Variants in XPO5 observed in about 807,000 individuals in gnomAD.
The protein encoded by XPO5 is exportin-5.
A neutral mutation model predicts 160.6 loss-of-function variants in XPO5; 46 were observed. That is an observed-to-expected ratio of 0.29 (90% CI 0.23 to 0.37). The LOEUF (loss-of-function observed/expected upper bound fraction) is 0.37. XPO5 is among the 10% of genes least tolerant of loss of function. The pLI is 1.00. For missense variants in XPO5, 1,090 were observed against 1,463.9 expected, an observed-to-expected ratio of 0.74 and a Z score of 4.17; for synonymous variants, 537 against 519.3, an observed-to-expected ratio of 1.03 and a Z score of -0.46.
At chr6:43,563,239 C>T (rs1762502478) in intron 8 of XPO5, among the ~76,000 whole-genome samples, 1 of 152,178 alleles carries the variant, frequency 6.6e-6, no homozygotes, top group Non-Finnish European at 1.5e-5. Context: ...GATCCTCTCA[C>T]TGCAGCCTCC....
At chr6:43,558,668 G>A (rs1185289507) in intron 11 of XPO5, 77 bp from the exon 12 acceptor site, 3 of 1,112,762 alleles carry the variant, frequency 2.7e-6, no homozygotes, top group Non-Finnish European at 3.8e-6. Context: ...AGGAGTTCAA[G>A]CACTTTTAAT....
intron 1 of XPO5, among the ~76,000 whole-genome samples, chr6:43,574,740 A>C (rs967677390): frequency 2.0e-5 from 3 of 152,158 alleles, no homozygotes; most frequent in Non-Finnish European, 4.4e-5. Context: ...AATGCGGTAA[A>C]ATCTTTGATT....
chr6:43,542,186 A>T (rs1360141733), intron 20 of XPO5, among the ~76,000 whole-genome samples: 1 of 151,982 alleles, frequency 6.6e-6, no homozygotes, highest in African/African-American at 2.4e-5. Flanking sequence ...GGAGCTTTCC[A>T]GAGAAAACTG....
Position 43,548,401 on chromosome 6 carries a change from C to T in XPO5, c.1920G>A (p.Leu640=). 3.1e-6 allele frequency: 5 copies of T among 1,611,284 alleles called. No homozygotes were observed. The highest frequency in any genetic ancestry group is 4.2e-6 in the Non-Finnish European group (5 of 1,178,096). Residue 640 remains leucine (L), a synonymous_variant, in exon 18 of 32, where the codon CTG becomes CTA. Coordinates refer to ENST00000265351, the MANE Select transcript of XPO5 (RefSeq NM_020750.3). Reference sequence around the variant, plus strand: ...TGAGGGCACACTTCTCCATTTGTGTCAGGAGTAGCTCATTGGAGAGGAGTT... The same window carrying T: ...TGAGGGCACACTTCTCCATTTGTGTTAGGAGTAGCTCATTGGAGAGGAGTT... ...VKQLLSNELL[L]TQMEKCALME...
In XPO5 at chr6:43,568,729, A is replaced by G; in HGVS notation, c.630T>C (p.Asp210=). The change falls in exon 6 of 32, where the codon GAT becomes GAC. Residue 210 remains aspartate (D), a synonymous_variant. Transcript: ENST00000265351. The part of the protein sequence containing the change: ...NVNKYQQVKT[D]TSQESKAQAN... ...CTCTTACCTTTGACTCCTGAGAAGT[A>G]TCTGTCTTCTGAAAGGAAGTATAAA... 1.3e-6 allele frequency: 2 copies of G among 1,577,736 alleles called. No individual in the cohort carries two copies. Among genetic ancestry groups the G allele is most frequent in the Non-Finnish European group, 8.6e-7 (1 of 1,159,652 alleles).
intron 5 of XPO5, 41 bp downstream of exon 5, chr6:43,570,459 CAT>C (rs1403151449): frequency 6.4e-7 from 1 of 1,561,356 alleles, no homozygotes; most frequent in Non-Finnish European, 8.7e-7. Context: ...CAAAAACACT[CAT>C]ATTGGAAAAT....
Position 43,530,571 on chromosome 6 carries a change from C to T in XPO5, c.2677+117G>A, listed in dbSNP as rs148084998. On this transcript the variant is annotated intron_variant, in intron 23 of 31. Transcript: ENST00000265351. ...TTTAATGACATGATACACTTAGATACATAATCTCATCTCTTCCTTCCAGTT... is the reference window on the plus strand; with the variant it reads ...TTTAATGACATGATACACTTAGATATATAATCTCATCTCTTCCTTCCAGTT... 5.1e-5 allele frequency: 64 copies of T among 1,246,220 alleles called. No homozygotes were observed. The African/African-American group carries it at 7.6e-4, about 15-fold the overall frequency. 77.2% of individuals were successfully genotyped at this position (1,246,220 alleles called of 1,614,324 possible).
intron 21 of XPO5, among the ~76,000 whole-genome samples, chr6:43,532,663 G>A (rs75829468): frequency 1.3e-5 from 2 of 152,054 alleles, no homozygotes; most frequent in African/African-American, 2.4e-5. Context: ...TAGCTAGTTC[G>A]TACTCATCCT....
At chr6:43,562,788 A>AAACGG (rs1327216974) in intron 8 of XPO5, among the ~76,000 whole-genome samples, 1 of 152,220 alleles carries the variant, frequency 6.6e-6, no homozygotes, top group Non-Finnish European at 1.5e-5. Context: ...GCACAAACAG[A>AAACGG]AACGGGACAC....
chr6:43,525,256 A>C, intron 28 of XPO5, 42 bp from the exon 29 acceptor site: 2 of 1,529,522 alleles, frequency 1.3e-6, no homozygotes, highest in Non-Finnish European at 1.8e-6. Flanking sequence ...AAAAAGAAGC[A>C]CAGTTTTCTC....
chr6:43,575,964 C>A lies in XPO5; in HGVS notation c.-100G>T, dbSNP rs1478735832. On this transcript the variant is annotated 5_prime_UTR_variant, in exon 1 of 32. Transcript: ENST00000265351. Reference sequence around the variant, plus strand: ...ACCACCCGTTGGTACCGGGCCGCGGCGGGCGGCGGGGGTGGGAAGCTGGAG... The same window carrying A: ...ACCACCCGTTGGTACCGGGCCGCGGAGGGCGGCGGGGGTGGGAAGCTGGAG... 1.6e-6 allele frequency: 2 copies of A among 1,213,134 alleles called. No homozygotes were observed. The highest frequency in any genetic ancestry group is 2.3e-6 in the Non-Finnish European group (2 of 856,998). 75.1% of individuals were successfully genotyped at this position (1,213,134 alleles called of 1,614,324 possible). A position where few individuals can be genotyped will look rare whatever the true frequency, so the allele number is the denominator to read the frequency against.
At chr6:43,561,515 A>G (rs1311667070) in intron 9 of XPO5, 1 of 154,234 alleles carries the variant, frequency 6.5e-6, no homozygotes, top group East Asian at 1.9e-4. Context: ...AGTAGCTGGG[A>G]TAACAGGCAT....
rs573474333 is a variant in XPO5, at chr6:43,527,742, C to A, written c.2823-11G>T. ...GCCTCATCTTCTCCACTGCAGAAAACCAGGGGGCCAAGTTCCACAGGAGTG... is the reference window on the plus strand; with the variant it reads ...GCCTCATCTTCTCCACTGCAGAAAAACAGGGGGCCAAGTTCCACAGGAGTG... On this transcript the variant is annotated splice_polypyrimidine_tract_variant and intron_variant, in intron 25 of 31. Coordinates refer to ENST00000265351, the MANE Select transcript of XPO5 (RefSeq NM_020750.3). 6.2e-7 allele frequency: 1 copy of A among 1,613,832 alleles called. No individual in the cohort carries two copies. The highest frequency in any genetic ancestry group is 1.1e-5 in the South Asian group (1 of 91,080).
intron 20 of XPO5, among the ~76,000 whole-genome samples, chr6:43,537,465 C>G (rs1166200493): frequency 6.6e-6 from 1 of 152,088 alleles, no homozygotes; most frequent in African/African-American, 2.4e-5. Context: ...TTAAGCTTGG[C>G]CGGCAATATG....
chr6:43,529,022 A>G, intron 23 of XPO5, 97 bp from the exon 24 acceptor site: 1 of 1,226,632 alleles, frequency 8.2e-7, no homozygotes, highest in Admixed American at 2.4e-5. Flanking sequence ...TCCCTAAAGG[A>G]TTTGCCAGAT....
At chr6:43,541,729 TGTA>T (rs1794701606) in intron 20 of XPO5, among the ~76,000 whole-genome samples, 1 of 152,264 alleles carries the variant, frequency 6.6e-6, no homozygotes, top group Admixed American at 6.5e-5. Context: ...TGATCCACAG[TGTA>T]GTAATTATCA....
At chr6:43,566,210 T>C (rs574298035) in intron 7 of XPO5, among the ~76,000 whole-genome samples, 71 of 152,172 alleles carry the variant, frequency 4.7e-4, no homozygotes, top group African/African-American at 1.5e-3. Context: ...CTGGCCAACA[T>C]AGTGAAACCC....
intron 8 of XPO5, among the ~76,000 whole-genome samples, chr6:43,563,591 A>G (rs952860179): frequency 6.6e-6 from 1 of 152,228 alleles, no homozygotes; most frequent in Non-Finnish European, 1.5e-5. Flanking sequence ...AAACTTACAC[A>G]ACAGGAATAG....
intron 20 of XPO5, among the ~76,000 whole-genome samples, chr6:43,535,730 C>T (rs916107601): frequency 8.0e-5 from 12 of 149,558 alleles, no homozygotes; most frequent in South Asian, 2.1e-4. Flanking sequence ...GGGAGAATGG[C>T]GTGAACCCGG....
Sources: allele counts gnomAD v4.1 joint callset (sites outside exome capture counted in the v4.1 genomes callset), GRCh38; gene constraint gnomAD v4.1.1; transcripts MANE v1.5; gene names NCBI Gene and HGNC (gene_info 2026-07-23, HGNC 2026-07-21).